The following EPB41L3 variants were observed in gnomAD, a reference collection of about 807,000 sequenced individuals.
The protein encoded by EPB41L3 is erythrocyte membrane protein band 4.1 like 3.
EPB41L3 carries 57 observed loss-of-function variants against 127.1 expected under a neutral mutation model. That is an observed-to-expected ratio of 0.45 (90% CI 0.36 to 0.56). The LOEUF is 0.56. EPB41L3 is among the 20% of genes least tolerant of loss of function. The pLI, the probability that EPB41L3 is intolerant of heterozygous loss-of-function variation, is 0.00. For synonymous variants in EPB41L3, 572 were observed against 549.5 expected (o/e 1.04, Z -0.57); for missense variants, 1,273 against 1,372.2 (o/e 0.93, Z 1.14).
Position 5,407,731 on chromosome 18 carries a change from G to A in EPB41L3, c.2127C>T (p.Asp709=). ...ADGETTATES[D]QEEDAELKAQ... ...CCTTGAGCTCTGCATCTTCCTCCTGGTCCGACTGCCAGCATCAAGAAAGAG... is the reference window on the plus strand; with the variant it reads ...CCTTGAGCTCTGCATCTTCCTCCTGATCCGACTGCCAGCATCAAGAAAGAG... The change falls in exon 15 of 23, where the codon GAC becomes GAT. Residue 709 remains aspartate, a synonymous_variant. Coordinates refer to ENST00000341928, the MANE Select transcript of EPB41L3 (RefSeq NM_012307.5). The A allele has an allele frequency of 6.2e-7, 1 of 1,613,838 alleles. No homozygotes were observed. Among genetic ancestry groups the A allele is most frequent in the East Asian group, 2.2e-5 (1 of 44,880 alleles).
chr18:5,560,569 A>G (rs2094110435), intron 3 of EPB41L3, among the ~76,000 whole-genome samples: 1 of 152,242 alleles, frequency 6.6e-6, no homozygotes, highest in Non-Finnish European at 1.5e-5. Flanking sequence ...GGAATTGAGC[A>G]TGCAGATCCT....
intron 3 of EPB41L3, among the ~76,000 whole-genome samples, chr18:5,574,979 T>C (rs1181446829): frequency 6.6e-6 from 1 of 152,112 alleles, no homozygotes; most frequent in Non-Finnish European, 1.5e-5. Flanking sequence ...GCCTCTTCTG[T>C]CTAACTTGAG....
intron 3 of EPB41L3, among the ~76,000 whole-genome samples, chr18:5,599,902 C>T (rs1055216501): frequency 2.6e-5 from 4 of 151,982 alleles, no homozygotes; most frequent in Non-Finnish European, 5.9e-5. Context: ...TTGGAACTCA[C>T]GGGCAACAGA....
At chr18:5,548,708 C>A (rs1207555652), upstream of EPB41L3, among the ~76,000 whole-genome samples, 1 of 151,136 alleles carries the variant, frequency 6.6e-6, no homozygotes, top group Admixed American at 6.6e-5. Flanking sequence ...GTGATCAATT[C>A]TTCATTAAAT....
chr18:5,539,492 A>T (rs1478467385), intron 1 of EPB41L3: 1 of 152,220 alleles, frequency 6.6e-6, no homozygotes, highest in Admixed American at 6.5e-5. Context: ...TCTGGCATCT[A>T]ATTTCAACTT....
chr18:5,406,232 C>T (rs1336824940), intron 16 of EPB41L3, among the ~76,000 whole-genome samples: 3 of 152,074 alleles, frequency 2.0e-5, no homozygotes, highest in Non-Finnish European at 2.9e-5. Context: ...GCCTGGGTGA[C>T]ACAGCAAGAC....
chr18:5,441,477 T>C (rs78387102), intron 5 of EPB41L3, among the ~76,000 whole-genome samples: 24 of 151,706 alleles, frequency 1.6e-4, no homozygotes, highest in Non-Finnish European at 2.9e-4. Flanking sequence ...TTTTTTTTTT[T>C]TTTTTTGACA....
chr18:5,464,173 G>A (rs558373428), intron 3 of EPB41L3, among the ~76,000 whole-genome samples: 19 of 152,166 alleles, frequency 1.2e-4, no homozygotes, highest in Admixed American at 4.6e-4. Context: ...GAACTATTCC[G>A]GAAATTTAAA....
intron 3 of EPB41L3, among the ~76,000 whole-genome samples, chr18:5,466,965 G>C (rs1373208096): frequency 6.6e-6 from 1 of 152,124 alleles, no homozygotes; most frequent in African/African-American, 2.4e-5. Context: ...TTTCACGGGG[G>C]AAATGCTGTA....
chr18:5,442,211 T>C (rs2080886315), intron 5 of EPB41L3, among the ~76,000 whole-genome samples: 1 of 152,150 alleles, frequency 6.6e-6, no homozygotes, highest in Non-Finnish European at 1.5e-5. Flanking sequence ...TTTATCTTAA[T>C]TTTTTTCTTA....
intron 5 of EPB41L3, among the ~76,000 whole-genome samples, chr18:5,443,360 A>C (rs1251348536): frequency 6.6e-6 from 1 of 152,214 alleles, no homozygotes; most frequent in Admixed American, 6.5e-5. Flanking sequence ...TGTATTTTAA[A>C]TTTGTGACTT....
intron 3 of EPB41L3, among the ~76,000 whole-genome samples, chr18:5,575,670 C>T (rs191084333): frequency 2.2e-3 from 331 of 152,192 alleles, no homozygotes; most frequent in African/African-American, 7.7e-3. Context: ...AACCCCATCT[C>T]TACTAAAAAT....
chr18:5,396,911 A>G (rs2073612945), intron 18 of EPB41L3, 147 bp downstream of exon 18: 3 of 816,904 alleles, frequency 3.7e-6, no homozygotes, highest in Non-Finnish European at 5.7e-6. Flanking sequence ...CCTACTAGGT[A>G]TGAAAGAAGG....
In EPB41L3 at chr18:5,443,975, G is replaced by T. The variant is rs147762167; in HGVS notation, c.487-95C>A. The T allele has an allele frequency of 4.9e-5, 51 of 1,043,094 alleles. No homozygotes were observed. The African/African-American group carries it at 7.7e-4, about 16-fold the overall frequency. The allele number at this position is 1,043,094 out of a possible 1,614,324, so 64.6% of individuals were successfully genotyped here. ...AGACTCTCCCTAAATGCAGTGCGGA[G>T]TTAGTGGTCGTGGGAAGGCTTCCCT... On this transcript the variant is annotated intron_variant, in intron 4 of 22. Coordinates refer to ENST00000341928, the MANE Select transcript of EPB41L3 (RefSeq NM_012307.5).
intron 5 of EPB41L3, among the ~76,000 whole-genome samples, chr18:5,441,093 T>C (rs1486307525): frequency 2.0e-5 from 3 of 152,206 alleles, no homozygotes; most frequent in Non-Finnish European, 4.4e-5. Flanking sequence ...GGTCTCATTA[T>C]GTTGCCTAGG....
At chr18:5,492,847 T>C (rs746049265) in intron 1 of EPB41L3, among the ~76,000 whole-genome samples, 10 of 152,188 alleles carry the variant, frequency 6.6e-5, no homozygotes, top group Non-Finnish European at 1.3e-4. Context: ...CCTTAATTTT[T>C]TTTTAAAGAA....
At chr18:5,535,889 C>G (rs530045576) in intron 1 of EPB41L3, among the ~76,000 whole-genome samples, 3 of 152,296 alleles carry the variant, frequency 2.0e-5, no homozygotes, top group South Asian at 2.1e-4. Context: ...GTTGGGAACT[C>G]AGAGAGAGAT....
At chr18:5,534,925 T>C (rs1180690472) in intron 1 of EPB41L3, among the ~76,000 whole-genome samples, 1 of 152,164 alleles carries the variant, frequency 6.6e-6, no homozygotes, top group Non-Finnish European at 1.5e-5. Context: ...TTTCCATCTG[T>C]ATCTTCTCTA....
chr18:5,402,178 A>AT (rs2074600074), intron 16 of EPB41L3, among the ~76,000 whole-genome samples: 1 of 150,708 alleles, frequency 6.6e-6, no homozygotes. Flanking sequence ...AAAAAAAAAA[A>AT]CCCAACAACA....
Sources: gnomAD v4.1 joint callset for allele counts (sites outside exome capture counted in the v4.1 genomes callset) on GRCh38, gnomAD v4.1.1 for gene constraint, MANE v1.5 for transcripts, NCBI Gene and HGNC (gene_info 2026-07-23, HGNC 2026-07-21) for gene names.